CACNB2: variants seen among roughly 807,000 people sequenced by gnomAD.
CACNB2 encodes voltage-dependent L-type calcium channel subunit beta-2.
CACNB2 carries 42 observed loss-of-function variants against 73.3 expected under a neutral mutation model. The observed-to-expected ratio is 0.57, with a 90% confidence interval of 0.45 to 0.74. The LOEUF (loss-of-function observed/expected upper bound fraction) is 0.74, where lower values mean the gene tolerates loss of function less well. CACNB2 is among the 30% of genes least tolerant of loss of function. The probability of loss-of-function intolerance (pLI) is 0.00; values close to 1 mark genes in which losing one functional copy is unlikely to be tolerated. For synonymous variants in CACNB2, 348 were observed against 310.3 expected (o/e 1.12, Z -1.28); for missense variants, 940 against 853.0 (o/e 1.10, Z -1.27).
intron 2 of CACNB2, among the ~76,000 whole-genome samples, chr10:18,374,686 C>T (rs139619602): frequency 3.2e-4 from 49 of 152,318 alleles, no homozygotes; most frequent in Admixed American, 6.5e-4. Context: ...TAGTTCAACA[C>T]TCTGCATGAT....
chr10:18,379,410 T>C (rs1344991268), intron 2 of CACNB2, among the ~76,000 whole-genome samples: 2 of 152,046 alleles, frequency 1.3e-5, no homozygotes, highest in African/African-American at 4.8e-5. Flanking sequence ...GACATGGTTT[T>C]ACCATGTTGA....
chr10:18,175,127 G>C (rs1168484613), intron 2 of CACNB2, among the ~76,000 whole-genome samples: 1 of 152,108 alleles, frequency 6.6e-6, no homozygotes, highest in African/African-American at 2.4e-5. Context: ...TAGACGTATA[G>C]AATCTTAGGA....
At chr10:18,283,812 G>C (rs543823022) in intron 2 of CACNB2, among the ~76,000 whole-genome samples, 14 of 152,138 alleles carry the variant, frequency 9.2e-5, no homozygotes, top group African/African-American at 3.4e-4. Context: ...AGAACTTAAA[G>C]TATAATAAAA....
chr10:18,409,211 A>T (rs1564516918), intron 3 of CACNB2, among the ~76,000 whole-genome samples: 1 of 151,892 alleles, frequency 6.6e-6, no homozygotes, highest in Non-Finnish European at 1.5e-5. Flanking sequence ...AAGCAGGAGA[A>T]TCACTTGAAC....
chr10:18,342,403 G>T (rs951273685), intron 2 of CACNB2, among the ~76,000 whole-genome samples: 5 of 152,180 alleles, frequency 3.3e-5, no homozygotes, highest in Non-Finnish European at 7.3e-5. Flanking sequence ...CAAGGTGGGA[G>T]GATCGCTTGA....
intron 1 of CACNB2, among the ~76,000 whole-genome samples, chr10:18,148,098 A>AC (rs1437164419): frequency 3.3e-5 from 5 of 151,996 alleles, no homozygotes; most frequent in Admixed American, 6.6e-5. Context: ...AGTTTTTTAA[A>AC]AAAAAAGAAA....
chr10:18,521,021 C>T (rs1268254000), intron 9 of CACNB2, among the ~76,000 whole-genome samples: 1 of 152,204 alleles, frequency 6.6e-6, no homozygotes, highest in African/African-American at 2.4e-5. Flanking sequence ...GTTGTATTCT[C>T]AGTGCCTGGA....
chr10:18,502,689 C>CA (rs71200974), intron 5 of CACNB2, among the ~76,000 whole-genome samples: 1,104 of 73,238 alleles, frequency 0.015, 48 homozygotes, highest in Middle Eastern at 0.041. Flanking sequence ...GACTCCATCT[C>CA]AAAAAAAAAA....
chr10:18,219,793 A>C (rs950180739), intron 2 of CACNB2, among the ~76,000 whole-genome samples: 2 of 147,614 alleles, frequency 1.4e-5, no homozygotes, highest in Admixed American at 6.8e-5. Flanking sequence ...TTTTTGAGAC[A>C]GAGTCTCACT....
At chr10:18,241,082 C>T (rs752876897) in intron 2 of CACNB2, among the ~76,000 whole-genome samples, 2 of 152,182 alleles carry the variant, frequency 1.3e-5, no homozygotes, top group Non-Finnish European at 2.9e-5. Context: ...AACTCAAAAA[C>T]ATGCAACCAT....
chr10:18,501,991 T>C (rs944340575), intron 5 of CACNB2, among the ~76,000 whole-genome samples: 1 of 152,216 alleles, frequency 6.6e-6, no homozygotes, highest in South Asian at 2.1e-4. Flanking sequence ...TTCAGTCATA[T>C]AAAAGTAGAG....
intron 2 of CACNB2, among the ~76,000 whole-genome samples, chr10:18,218,309 T>A (rs1166480238): frequency 2.6e-5 from 4 of 152,226 alleles, no homozygotes; most frequent in African/African-American, 9.6e-5. Flanking sequence ...ACTGATTAAG[T>A]CAGACAGACG....
intron 2 of CACNB2, among the ~76,000 whole-genome samples, chr10:18,155,427 G>C (rs2031963533): frequency 6.6e-6 from 1 of 152,328 alleles, no homozygotes; most frequent in African/African-American, 2.4e-5. Flanking sequence ...GCATTCCACT[G>C]TGTGGAAAGA....
chr10:18,184,649 G>GTTTTTTTTT, intron 2 of CACNB2, among the ~76,000 whole-genome samples: 1 of 87,780 alleles, frequency 1.1e-5, no homozygotes, highest in Non-Finnish European at 2.2e-5. Context: ...CTCAGACTTT[G>GTTTTTTTTT]TTTTTTTTTT....
At chr10:18,333,763 G>A (rs549473520) in intron 2 of CACNB2, among the ~76,000 whole-genome samples, 1 of 152,164 alleles carries the variant, frequency 6.6e-6, no homozygotes, top group South Asian at 2.1e-4. Context: ...TCTAAATTGG[G>A]GTGTGATCAA....
At chr10:18,296,789 T>C (rs1342549019) in intron 2 of CACNB2, among the ~76,000 whole-genome samples, 1 of 152,230 alleles carries the variant, frequency 6.6e-6, no homozygotes, top group African/African-American at 2.4e-5. Context: ...AACAAAATTA[T>C]TTTCTCATAC....
At chr10:18,247,140 C>G (rs2036896966) in intron 2 of CACNB2, among the ~76,000 whole-genome samples, 1 of 152,172 alleles carries the variant, frequency 6.6e-6, no homozygotes, top group African/African-American at 2.4e-5. Context: ...TATCTCCTCT[C>G]CTGGGAATTC....
chr10:18,516,722 G>A (rs2051318083), intron 7 of CACNB2, among the ~76,000 whole-genome samples: 1 of 152,142 alleles, frequency 6.6e-6, no homozygotes, highest in Non-Finnish European at 1.5e-5. Context: ...AACAGCCTGA[G>A]ATTCAATGAG....
At chr10:18,142,594 G>T (rs1383076727) in intron 1 of CACNB2, among the ~76,000 whole-genome samples, 1 of 152,064 alleles carries the variant, frequency 6.6e-6, no homozygotes, top group East Asian at 1.9e-4. Flanking sequence ...CTTCCTTGAG[G>T]GATATTTTAG....
Sources: gnomAD v4.1 joint callset for allele counts (sites outside exome capture counted in the v4.1 genomes callset) on GRCh38, gnomAD v4.1.1 for gene constraint, MANE v1.5 for transcripts, NCBI Gene and HGNC (gene_info 2026-07-23, HGNC 2026-07-21) for gene names.